Variants in SHANK2 observed in about 807,000 individuals in gnomAD.
The protein encoded by SHANK2 is SH3 and multiple ankyrin repeat domains protein 2.
SHANK2 carries 43 observed loss-of-function variants against 133.7 expected under a neutral mutation model. That is an observed-to-expected ratio of 0.32 (90% CI 0.25 to 0.41). The LOEUF is 0.41. Ranked by LOEUF, SHANK2 falls within the 10% of genes least tolerant of loss-of-function variation. The probability of loss-of-function intolerance (pLI) is 1.00; values close to 1 mark genes in which losing one functional copy is unlikely to be tolerated. For missense variants in SHANK2, 1,994 were observed against 2,235.8 expected (o/e 0.89, Z 2.18); for synonymous variants, 1,017 against 952.8 (o/e 1.07, Z -1.24).
chr11:70,794,510 A>C (rs1555048714), intron 14 of SHANK2, among the ~76,000 whole-genome samples: 1 of 152,194 alleles, frequency 6.6e-6, no homozygotes, highest in African/African-American at 2.4e-5. Flanking sequence ...TGGCTGGAAG[A>C]CAGCCTGAGA....
chr11:70,918,160 T>C (rs1331138476), intron 10 of SHANK2, among the ~76,000 whole-genome samples: 2 of 152,170 alleles, frequency 1.3e-5, no homozygotes, highest in African/African-American at 4.8e-5. Flanking sequence ...CCCACTGATC[T>C]GCCATGAGAG....
intron 14 of SHANK2, among the ~76,000 whole-genome samples, chr11:70,775,160 A>G (rs1947334600): frequency 6.6e-6 from 1 of 152,126 alleles, no homozygotes; most frequent in Admixed American, 6.5e-5. Context: ...CCTGTCTCTT[A>G]AAAAGAGAAA....
intron 14 of SHANK2, among the ~76,000 whole-genome samples, chr11:70,708,470 C>T (rs2134563307): frequency 6.6e-6 from 1 of 152,304 alleles, no homozygotes; most frequent in East Asian, 1.9e-4. Context: ...CCCCGCACTC[C>T]CCCACCACGA....
At chr11:71,085,551 ATATTATAT>A in intron 8 of SHANK2, among the ~76,000 whole-genome samples, 1 of 84,394 alleles carries the variant, frequency 1.2e-5, no homozygotes, top group Admixed American at 2.1e-4. Context: ...AATATATAAC[ATATTATAT>A]TATATAAAAT....
chr11:70,837,772 C>G (rs533573548), intron 11 of SHANK2, among the ~76,000 whole-genome samples: 1 of 151,710 alleles, frequency 6.6e-6, no homozygotes, highest in East Asian at 1.9e-4. Flanking sequence ...GTCAAGAGTT[C>G]GAGACCAGCC....
rs988059879 is a variant in SHANK2 at position 71,066,776 on chromosome 11, G to A, written c.1029+8383C>T. ...GCATAAGTAAAACGGGGAAGTGGCTGGGACGCTTGTGTCATTGGGACAGGG... is the reference window on the plus strand; with the variant it reads ...GCATAAGTAAAACGGGGAAGTGGCTAGGACGCTTGTGTCATTGGGACAGGG... On this transcript the variant is annotated intron_variant, in intron 9 of 25. Coordinates refer to ENST00000601538, the MANE Select transcript of SHANK2 (RefSeq NM_012309.5). Among the ~76,000 whole-genome samples, 28 of 152,272 alleles carry A rather than the reference G, an allele frequency of 1.8e-4. No homozygotes were observed. In the East Asian group the frequency reaches 4.6e-3, roughly 25 times the overall value.
chr11:70,819,348 A>G (rs1948470248), intron 12 of SHANK2, among the ~76,000 whole-genome samples: 1 of 152,234 alleles, frequency 6.6e-6, no homozygotes, highest in Non-Finnish European at 1.5e-5. Context: ...AGCTGTACCC[A>G]TGAGAATGTG....
In SHANK2 at chr11:70,599,592, C is replaced by T. The variant is rs1300214457; in HGVS notation, c.2061+60236G>A. Among the ~76,000 whole-genome samples, 31 of 69,172 alleles carry T rather than the reference C, an allele frequency of 4.5e-4. 2 individuals are homozygous for T. Among genetic ancestry groups the T allele is most frequent in the East Asian group, 2.0e-3 (3 of 1,534 alleles). The allele number at this position is 69,172 out of a possible 152,430, so 45.4% of individuals were successfully genotyped here. A position where few individuals can be genotyped will look rare whatever the true frequency, so the allele number is the denominator to read the frequency against. Reference sequence around the variant, plus strand: ...CACTGCACTCCAGCCTGGGCGACAGCGAGACTCCGTCTCAAAAAAAAAAAA... The same window carrying T: ...CACTGCACTCCAGCCTGGGCGACAGTGAGACTCCGTCTCAAAAAAAAAAAA... On this transcript the variant is annotated intron_variant, in intron 17 of 25. Coordinates refer to ENST00000601538, the MANE Select transcript of SHANK2 (RefSeq NM_012309.5).
At chr11:70,574,329 TA>T (rs2060089068) in intron 17 of SHANK2, among the ~76,000 whole-genome samples, 1 of 152,224 alleles carries the variant, frequency 6.6e-6, no homozygotes. Context: ...CACAGGGCAC[TA>T]AATTCCCCAC....
chr11:70,617,236 T>C (rs1358188173), intron 17 of SHANK2, among the ~76,000 whole-genome samples: 3 of 151,778 alleles, frequency 2.0e-5, no homozygotes, highest in African/African-American at 4.8e-5. Flanking sequence ...TGTGTGTGCA[T>C]GTGTGTCACT....
At chr11:70,708,244 C>G (rs1945706814) in intron 14 of SHANK2, among the ~76,000 whole-genome samples, 1 of 152,038 alleles carries the variant, frequency 6.6e-6, no homozygotes, top group African/African-American at 2.4e-5. Context: ...CCTGTTATAC[C>G]CAAGACGTCA....
In SHANK2 at chr11:71,175,556, GAGAGAGAGAGAGAGAGA is replaced by G. The variant is rs1953421068; in HGVS notation, c.-12-28235_-12-28219del. On this transcript the variant is annotated intron_variant, in intron 2 of 25. Coordinates refer to ENST00000601538, the MANE Select transcript of SHANK2 (RefSeq NM_012309.5). The surrounding 1 kb of genome is among the most constrained non-coding windows in gnomAD (Gnocchi z 4.2). ...AGACAGAGGGAGAGGGAGAGGGAGA[GAGAGAGAGAGAGAGAGA>G]GAGAGAGAGAGAGAGAGAGAGAGAG... Among the ~76,000 whole-genome samples the G allele has an allele frequency of 5.1e-5, 3 of 58,564 alleles. No individual in the cohort carries two copies. The highest frequency in any genetic ancestry group is 9.1e-5 in the African/African-American group (1 of 11,024). 38.4% of individuals were successfully genotyped at this position (58,564 alleles called of 152,430 possible).
intron 1 of SHANK2, among the ~76,000 whole-genome samples, chr11:71,245,726 A>G (rs1046661411): frequency 6.6e-6 from 1 of 152,234 alleles, no homozygotes; most frequent in African/African-American, 2.4e-5. Flanking sequence ...TCCAGAACCA[A>G]GACGAGGGGC....
chr11:70,551,927 G>A (rs782471623), intron 17 of SHANK2, among the ~76,000 whole-genome samples: 8 of 152,218 alleles, frequency 5.3e-5, no homozygotes, highest in African/African-American at 1.7e-4. Flanking sequence ...CTCTCTATGC[G>A]CCAAGCCTGT....
intron 11 of SHANK2, among the ~76,000 whole-genome samples, chr11:70,847,748 C>A (rs1949017552): frequency 6.6e-6 from 1 of 152,194 alleles, no homozygotes. Context: ...AGAGAGGAAC[C>A]AGCCTGGCTT....
intron 19 of SHANK2, 90 bp downstream of exon 19, chr11:70,502,116 G>A (rs1407502068): frequency 8.5e-6 from 12 of 1,418,710 alleles, no homozygotes; most frequent in Admixed American, 2.0e-5. Context: ...GCGAGCAAGC[G>A]TGGGGTCATG....
rs115054940 is a variant in SHANK2 at position 70,511,630 on chromosome 11, T to C, written c.2062-8699A>G. 1.7e-3 allele frequency among the ~76,000 whole-genome samples: 255 copies of C among 151,968 alleles called. 4 individuals are homozygous for C. Among genetic ancestry groups the C allele is most frequent in the African/African-American group, 5.7e-3 (238 of 41,434 alleles). On this transcript the variant is annotated intron_variant, in intron 17 of 25. Transcript: ENST00000601538. ...GCTCCTGGGGATAACTGCCTTGGAG[T>C]AGAGAGAAACTGTTGAGAAATCATG...
rs138888028 is a variant in SHANK2, at chr11:70,833,264, ACGCCCCGACTGGC to A, written c.1175-12595_1175-12583del. Among the ~76,000 whole-genome samples, 1,076 of 152,358 alleles carry A rather than the reference ACGCCCCGACTGGC, an allele frequency of 7.1e-3. 16 individuals are homozygous for A. Among genetic ancestry groups the A allele is most frequent in the African/African-American group, 0.025 (1,040 of 41,582 alleles). On this transcript the variant is annotated intron_variant, in intron 11 of 25. Coordinates refer to ENST00000601538, the MANE Select transcript of SHANK2 (RefSeq NM_012309.5). Reference sequence around the variant, plus strand: ...TTCCATGCAGCCCACCTGTGGCTAGACGCCCCGACTGGCCACCCCGGCTGGCCGCAGTTCCCAG... The same window carrying A: ...TTCCATGCAGCCCACCTGTGGCTAGACACCCCGGCTGGCCGCAGTTCCCAG...
intron 9 of SHANK2, among the ~76,000 whole-genome samples, chr11:71,069,282 CCAT>C (rs1466878890): frequency 5.3e-5 from 8 of 152,104 alleles, no homozygotes; most frequent in African/African-American, 1.4e-4. Context: ...ACCATCAGCA[CCAT>C]CATCATCTTC....
Sources: gnomAD v4.1 joint callset for allele counts (sites outside exome capture counted in the v4.1 genomes callset) on GRCh38, gnomAD v4.1.1 for gene constraint, Gnocchi (gnomAD v3.1) non-coding constraint, MANE v1.5 for transcripts, NCBI Gene and HGNC (gene_info 2026-07-23, HGNC 2026-07-21) for gene names.